GRIK2: variants seen among roughly 807,000 people sequenced by gnomAD.
The protein encoded by GRIK2 is glutamate receptor ionotropic, kainate 2.
A neutral mutation model predicts 100.3 loss-of-function variants in GRIK2; 32 were observed. The observed-to-expected ratio is 0.32, with a 90% CI of 0.24 to 0.43. The LOEUF (loss-of-function observed/expected upper bound fraction) is 0.43, where lower values mean the gene tolerates loss of function less well. Among genes scored for constraint, GRIK2 ranks in the 20% least tolerant of loss-of-function variants. The pLI is 1.00. For missense variants in GRIK2, 843 were observed against 1,114.9 expected, an observed-to-expected ratio of 0.76 and a Z score of 3.47; for synonymous variants, 417 against 389.4, an observed-to-expected ratio of 1.07 and a Z score of -0.83.
intron 7 of GRIK2, among the ~76,000 whole-genome samples, chr6:101,784,103 C>T (rs749516596): frequency 1.2e-4 from 18 of 152,192 alleles, no homozygotes; most frequent in Non-Finnish European, 2.4e-4. Context: ...CGGAATGTTA[C>T]TAGCCAAGAA....
At chr6:102,003,180 T>C (rs1795037142) in intron 14 of GRIK2, among the ~76,000 whole-genome samples, 1 of 151,732 alleles carries the variant, frequency 6.6e-6, no homozygotes, top group Non-Finnish European at 1.5e-5. Flanking sequence ...TTACTACAGC[T>C]TTTCCATTTT....
chr6:101,407,493 C>T (rs966161513), intron 2 of GRIK2, among the ~76,000 whole-genome samples: 1 of 152,014 alleles, frequency 6.6e-6, no homozygotes, highest in African/African-American at 2.4e-5. Context: ...TGCTTTGAAT[C>T]CATTTTAGAA....
At chr6:101,763,437 A>G (rs1215752935) in intron 7 of GRIK2, among the ~76,000 whole-genome samples, 1 of 152,228 alleles carries the variant, frequency 6.6e-6, no homozygotes, top group Non-Finnish European at 1.5e-5. Flanking sequence ...TGAATGTGTT[A>G]TGAATGTCTA....
chr6:101,722,173 T>C (rs1385697574), intron 7 of GRIK2, among the ~76,000 whole-genome samples: 3 of 151,988 alleles, frequency 2.0e-5, no homozygotes, highest in Non-Finnish European at 2.9e-5. Context: ...GCAATATTCT[T>C]CTTTTCAAGA....
intron 2 of GRIK2, among the ~76,000 whole-genome samples, chr6:101,577,038 A>T (rs1314614591): frequency 1.3e-5 from 2 of 152,068 alleles, no homozygotes; most frequent in African/African-American, 4.8e-5. Context: ...AGGTCTTTAT[A>T]GTGGTGCTTA....
At chr6:101,876,062 C>A (rs538894407) in intron 11 of GRIK2, among the ~76,000 whole-genome samples, 12 of 151,038 alleles carry the variant, frequency 7.9e-5, no homozygotes, top group Non-Finnish European at 1.2e-4. Context: ...ATCAACATTA[C>A]AAATAAAAAC....
At chr6:101,838,213 A>G (rs893013535) in intron 10 of GRIK2, among the ~76,000 whole-genome samples, 1 of 152,242 alleles carries the variant, frequency 6.6e-6, no homozygotes, top group Non-Finnish European at 1.5e-5. Flanking sequence ...ACTTAAGCAT[A>G]AAAGTACATA....
intron 15 of GRIK2, among the ~76,000 whole-genome samples, chr6:102,038,737 G>A (rs1219656262): frequency 1.3e-5 from 2 of 151,264 alleles, no homozygotes; most frequent in African/African-American, 4.8e-5. Context: ...AATGAGAATA[G>A]CTATATTCAA....
chr6:102,002,490 T>A (rs1795005602), intron 14 of GRIK2, among the ~76,000 whole-genome samples: 1 of 136,798 alleles, frequency 7.3e-6, no homozygotes, highest in Non-Finnish European at 1.7e-5. Flanking sequence ...TGGATATATG[T>A]TTTTAGCTAT....
At chr6:101,451,634 T>A (rs2128249235) in intron 2 of GRIK2, among the ~76,000 whole-genome samples, 1 of 146,084 alleles carries the variant, frequency 6.8e-6, no homozygotes, top group Non-Finnish European at 1.5e-5. Flanking sequence ...TTTTTAAATT[T>A]AATTATTTTG....
At chr6:101,836,682 T>C (rs1207435598) in intron 10 of GRIK2, among the ~76,000 whole-genome samples, 2 of 123,718 alleles carry the variant, frequency 1.6e-5, no homozygotes, top group African/African-American at 6.3e-5. Context: ...TTTTTTTTTT[T>C]TGAGACAGAG....
At chr6:102,021,096 T>G (rs758758925) in intron 14 of GRIK2, among the ~76,000 whole-genome samples, 1 of 151,802 alleles carries the variant, frequency 6.6e-6, no homozygotes, top group Admixed American at 6.6e-5. Context: ...ATGATAATGC[T>G]TTTTATGAAA....
At chr6:101,497,447 G>T (rs1278119706) in intron 2 of GRIK2, among the ~76,000 whole-genome samples, 1 of 152,064 alleles carries the variant, frequency 6.6e-6, no homozygotes, top group African/African-American at 2.4e-5. Flanking sequence ...ATATACAAGT[G>T]TAGATCTTTA....
intron 2 of GRIK2, among the ~76,000 whole-genome samples, chr6:101,552,409 T>G (rs865996565): frequency 1.3e-5 from 2 of 152,164 alleles, no homozygotes; most frequent in Admixed American, 6.6e-5. Context: ...CTTATGGGAC[T>G]CTTGTGGCAT....
intron 7 of GRIK2, among the ~76,000 whole-genome samples, chr6:101,752,325 C>G (rs1484436568): frequency 6.6e-6 from 1 of 152,016 alleles, no homozygotes; most frequent in Non-Finnish European, 1.5e-5. Flanking sequence ...AGTATTAACA[C>G]GATTTTCCAG....
At chr6:101,432,940 T>C (rs1178967480) in intron 2 of GRIK2, among the ~76,000 whole-genome samples, 1 of 152,022 alleles carries the variant, frequency 6.6e-6, no homozygotes, top group Non-Finnish European at 1.5e-5. Context: ...CTTTCCAGAC[T>C]CTGTAATTTC....
At chr6:101,438,306 T>G (rs1049872102) in intron 2 of GRIK2, among the ~76,000 whole-genome samples, 1 of 152,138 alleles carries the variant, frequency 6.6e-6, no homozygotes, top group Non-Finnish European at 1.5e-5. Context: ...TTTTTTGTCT[T>G]GATCTTAGCC....
intron 10 of GRIK2, among the ~76,000 whole-genome samples, chr6:101,858,376 AT>A (rs66505184): frequency 1.5e-4 from 19 of 125,474 alleles, no homozygotes; most frequent in Middle Eastern, 4.8e-3. Context: ...CTCTCTCTCT[AT>A]TTTTTTTTCT....
chr6:101,553,211 G>A (rs1011812696), intron 2 of GRIK2, among the ~76,000 whole-genome samples: 5 of 152,096 alleles, frequency 3.3e-5, no homozygotes, highest in African/African-American at 7.2e-5. Context: ...ATATGGCACG[G>A]CAATTAATGT....
Sources: allele counts gnomAD v4.1 joint callset (sites outside exome capture counted in the v4.1 genomes callset), GRCh38; gene constraint gnomAD v4.1.1; transcripts MANE v1.5; gene names NCBI Gene and HGNC (gene_info 2026-07-23, HGNC 2026-07-21).